Variants in ANKFN1 observed in about 807,000 individuals in gnomAD.
The protein encoded by ANKFN1 is ankyrin repeat and fibronectin type III domain containing 1.
ANKFN1 carries 74 observed loss-of-function variants against 108.7 expected under a neutral mutation model. That is an observed-to-expected ratio of 0.68 (90% confidence interval 0.56 to 0.83). The LOEUF (loss-of-function observed/expected upper bound fraction) is 0.83, where lower values mean the gene tolerates loss of function less well. Ranked by LOEUF, ANKFN1 falls within the 40% of genes least tolerant of loss-of-function variation. The pLI, the probability that ANKFN1 is intolerant of heterozygous loss-of-function variation, is 0.00. For synonymous variants in ANKFN1, 547 were observed against 516.2 expected (o/e 1.06, Z -0.81); for missense variants, 1,505 against 1,382.3 (o/e 1.09, Z -1.41).
Position 56,317,099 on chromosome 17 carries a change from G to A in ANKFN1, c.54-9122G>A, listed in dbSNP as rs149727869. Among the ~76,000 whole-genome samples, 802 of 152,228 alleles carry A rather than the reference G, an allele frequency of 5.3e-3. 8 individuals carry two copies. Among genetic ancestry groups the A allele is most frequent in the African/African-American group, 0.018 (755 of 41,534 alleles). On this transcript the variant is annotated intron_variant, in intron 3 of 20. Coordinates refer to ENST00000682825, the MANE Select transcript of ANKFN1 (RefSeq NM_001370326.1). ...CCAAGACTAGCTGGGTTGAAATAAA[G>A]CATTTTTTTCTTTGTGGCAGAGAAG...
intron 3 of ANKFN1, among the ~76,000 whole-genome samples, chr17:56,236,315 C>A (rs2143965173): frequency 6.6e-6 from 1 of 152,232 alleles, no homozygotes; most frequent in East Asian, 1.9e-4. Flanking sequence ...CCTCGGCCTC[C>A]TAAAGTACTG....
At chr17:56,050,243 G>GT (rs896459522) in intron 4 of ANKFN1, among the ~76,000 whole-genome samples, 4 of 148,984 alleles carry the variant, frequency 2.7e-5, no homozygotes, top group Middle Eastern at 3.5e-3. Context: ...GGGGTTGTTT[G>GT]TTTTTTTCTT....
chr17:56,451,554 AG>A (rs748343071), intron 11 of ANKFN1, among the ~76,000 whole-genome samples: 63 of 152,198 alleles, frequency 4.1e-4, no homozygotes, highest in Non-Finnish European at 7.6e-4. Flanking sequence ...AATTAGAAAA[AG>A]TAATATTTCA....
At chr17:56,077,340 G>T (rs149928490) in intron 4 of ANKFN1, among the ~76,000 whole-genome samples, 1 of 152,156 alleles carries the variant, frequency 6.6e-6, no homozygotes. Context: ...ACCTTGGGTT[G>T]CAGGGCTAGG....
chr17:56,157,676 C>T (rs922692190), intron 1 of ANKFN1, among the ~76,000 whole-genome samples: 1 of 152,182 alleles, frequency 6.6e-6, no homozygotes, highest in Non-Finnish European at 1.5e-5. Flanking sequence ...ATAGGCTCTC[C>T]TACATGGACT....
At chr17:56,069,674 G>A (rs989139702) in intron 4 of ANKFN1, among the ~76,000 whole-genome samples, 4 of 152,150 alleles carry the variant, frequency 2.6e-5, no homozygotes, top group East Asian at 3.9e-4. Context: ...CCAGAATCCT[G>A]AAATGAAGGT....
At position 56,516,384 on chromosome 17, in the gene ANKFN1, A is replaced by AATC. The variant is rs2051918121; in HGVS notation, c.*5116_*5118dup. On this transcript the variant is annotated 3_prime_UTR_variant, in exon 21 of 21. Coordinates refer to ENST00000682825, the MANE Select transcript of ANKFN1 (RefSeq NM_001370326.1). ...GCTTCCTTCCTAATGTGTACATAGCAATCTGGCTGATTATTGGTTGTTACT... is the reference window on the plus strand; with the variant it reads ...GCTTCCTTCCTAATGTGTACATAGCAATCATCTGGCTGATTATTGGTTGTTACT... Among the ~76,000 whole-genome samples, 1 of 152,160 alleles carries AATC rather than the reference A, an allele frequency of 6.6e-6. No homozygotes were observed. The highest frequency in any genetic ancestry group is 2.4e-5 in the African/African-American group (1 of 41,416).
intron 4 of ANKFN1, among the ~76,000 whole-genome samples, chr17:56,331,129 A>G (rs987166280): frequency 2.0e-5 from 3 of 152,158 alleles, no homozygotes; most frequent in Non-Finnish European, 2.9e-5. Context: ...TCACAGCTAG[A>G]AAAGCAATCT....
intron 4 of ANKFN1, among the ~76,000 whole-genome samples, chr17:56,046,486 A>G (rs939793071): frequency 1.3e-5 from 2 of 152,118 alleles, no homozygotes; most frequent in Non-Finnish European, 2.9e-5. Context: ...GAGTGTGCCC[A>G]CACGCACTTG....
chr17:56,388,116 ATTTCTTTCTTTTTTTCTT>A (rs2047327373), intron 8 of ANKFN1, among the ~76,000 whole-genome samples: 1 of 150,810 alleles, frequency 6.6e-6, no homozygotes, highest in Non-Finnish European at 1.5e-5. Flanking sequence ...TTCTATGGCT[ATTTCTTTCTTTTTTTCTT>A]TTTCTTTCTT....
intron 3 of ANKFN1, among the ~76,000 whole-genome samples, chr17:56,316,680 C>G (rs1045928216): frequency 1.3e-5 from 2 of 152,224 alleles, no homozygotes; most frequent in Admixed American, 6.5e-5. Flanking sequence ...TTGACTGGCA[C>G]TCAGGAGAGA....
At chr17:56,165,645 C>A (rs1319475657) in intron 1 of ANKFN1, among the ~76,000 whole-genome samples, 1 of 152,016 alleles carries the variant, frequency 6.6e-6, no homozygotes, top group Non-Finnish European at 1.5e-5. Context: ...ATGTTGGACT[C>A]ATTTTTTTTT....
chr17:56,170,807 T>TACATACACACACAC (rs1910619323), intron 1 of ANKFN1, among the ~76,000 whole-genome samples: 2 of 61,452 alleles, frequency 3.3e-5, no homozygotes, highest in African/African-American at 1.4e-4. Context: ...TATATATATA[T>TACATACACACACAC]ACACACACAC....
At chr17:56,080,544 G>C (rs1905233455) in intron 4 of ANKFN1, among the ~76,000 whole-genome samples, 2 of 152,190 alleles carry the variant, frequency 1.3e-5, no homozygotes, top group Admixed American at 6.5e-5. Flanking sequence ...AAGCTTTTCT[G>C]TGTGTCATTC....
At chr17:56,134,980 A>C (rs1907512303) in intron 4 of ANKFN1, among the ~76,000 whole-genome samples, 1 of 152,138 alleles carries the variant, frequency 6.6e-6, no homozygotes, top group South Asian at 2.1e-4. Flanking sequence ...CTGAAGGCTG[A>C]ATCTTCCTGG....
At chr17:56,086,053 A>G (rs377260650) in intron 4 of ANKFN1, among the ~76,000 whole-genome samples, 1 of 151,136 alleles carries the variant, frequency 6.6e-6, no homozygotes, top group South Asian at 2.1e-4. Flanking sequence ...ATAATTCTAA[A>G]TAAAATTTAG....
At chr17:56,356,725 GCAA>G (rs1235739019) in intron 6 of ANKFN1, among the ~76,000 whole-genome samples, 1 of 152,150 alleles carries the variant, frequency 6.6e-6, no homozygotes, top group East Asian at 1.9e-4. Context: ...GGTTTATTCT[GCAA>G]CAACGTCTGT....
intron 3 of ANKFN1, among the ~76,000 whole-genome samples, chr17:56,238,109 C>A (rs1035888425): frequency 1.3e-5 from 2 of 151,958 alleles, no homozygotes; most frequent in Non-Finnish European, 2.9e-5. Context: ...GTAGTCTTGA[C>A]TTCTATTTTT....
At chr17:56,103,683 T>C (rs1356487922) in intron 4 of ANKFN1, among the ~76,000 whole-genome samples, 1 of 152,178 alleles carries the variant, frequency 6.6e-6, no homozygotes, top group African/African-American at 2.4e-5. Flanking sequence ...AGGCTGATGA[T>C]AAGGAAATGA....
Sources: gnomAD v4.1 joint callset for allele counts (sites outside exome capture counted in the v4.1 genomes callset) on GRCh38, gnomAD v4.1.1 for gene constraint, MANE v1.5 for transcripts, NCBI Gene and HGNC (gene_info 2026-07-23, HGNC 2026-07-21) for gene names.